SFI1: variants seen among roughly 807,000 people sequenced by gnomAD.
SFI1 encodes the protein protein SFI1 homolog.
SFI1 carries 195 observed loss-of-function variants against 207.5 expected under a neutral mutation model. The observed-to-expected ratio is 0.94, with a 90% CI of 0.84 to 1.06. SFI1 has a LOEUF of 1.06. Ranked by LOEUF, SFI1 falls within the 50% of genes least tolerant of loss-of-function variation. SFI1 has a pLI of 0.00. For synonymous variants in SFI1, 630 were observed against 598.9 expected (o/e 1.05, Z -0.76); for missense variants, 1,634 against 1,588.0 (o/e 1.03, Z -0.49).
chr22:31,566,904 TAGGA>T (rs2062368021), intron 8 of SFI1, among the ~76,000 whole-genome samples: 2 of 152,096 alleles, frequency 1.3e-5, no homozygotes, highest in African/African-American at 4.8e-5. Flanking sequence ...CAAAGCCTAT[TAGGA>T]ATTTTTTTTT....
chr22:31,604,625 A>T, intron 19 of SFI1: 1 of 587,450 alleles, frequency 1.7e-6, no homozygotes, highest in South Asian at 2.2e-5. Flanking sequence ...CTAGCCTTGT[A>T]GCGAAAGCAG....
intron 24 of SFI1, chr22:31,612,935 T>C: frequency 1.7e-6 from 1 of 573,486 alleles, no homozygotes; most frequent in Non-Finnish European, 3.1e-6. Context: ...CTTTGCCACC[T>C]TCTTTCATGA....
At chr22:31,497,553 G>T (rs1292032013) in intron 1 of SFI1, among the ~76,000 whole-genome samples, 2 of 152,094 alleles carry the variant, frequency 1.3e-5, no homozygotes, top group African/African-American at 4.8e-5. Context: ...CCTCCTTGTA[G>T]CCTGAGAGGC....
At chr22:31,584,353 T>C (rs1477360188) in intron 13 of SFI1, among the ~76,000 whole-genome samples, 1 of 152,182 alleles carries the variant, frequency 6.6e-6, no homozygotes, top group Non-Finnish European at 1.5e-5. Flanking sequence ...ATTTTAGAGC[T>C]AGTCATTCAG....
At chr22:31,586,098 T>G (rs751474128) in intron 14 of SFI1, among the ~76,000 whole-genome samples, 1 of 152,136 alleles carries the variant, frequency 6.6e-6, no homozygotes, top group Non-Finnish European at 1.5e-5. Context: ...CCTTTCCTGT[T>G]ACCACTCTGT....
intron 2 of SFI1, among the ~76,000 whole-genome samples, chr22:31,526,999 C>T (rs949497760): frequency 1.4e-4 from 21 of 152,168 alleles, no homozygotes; most frequent in Middle Eastern, 3.4e-3. Flanking sequence ...CGGGTTCAAG[C>T]GATTCTCCTG....
intron 17 of SFI1, among the ~76,000 whole-genome samples, chr22:31,603,036 C>G (rs2068372182): frequency 6.6e-6 from 1 of 152,176 alleles, no homozygotes; most frequent in Non-Finnish European, 1.5e-5. Context: ...AGTTCGAGAC[C>G]AGCCTGACCA....
At chr22:31,602,808 C>G (rs770888969) in intron 17 of SFI1, 23 bp downstream of exon 17, 15 of 1,606,232 alleles carry the variant, frequency 9.3e-6, no homozygotes, top group Non-Finnish European at 1.2e-5. Context: ...TTCTGCCTTA[C>G]AAGCCTTTCC....
rs559539455 is a variant in SFI1, at chr22:31,512,799, G to A, written c.92+4423G>A. On this transcript the variant is annotated intron_variant, in intron 2 of 32. Transcript: ENST00000400288. The stretch of plus-strand genomic sequence containing the variant: ...CCTCCCAGGTTCATGCCATTCTCCT[G>A]CCTCAGCCTCCCAAGTACCTGGGAC... Among the ~76,000 whole-genome samples the A allele has an allele frequency of 5.3e-5, 8 of 152,092 alleles. No homozygotes were observed. In the East Asian group the frequency reaches 1.4e-3, roughly 26 times the overall value.
At chr22:31,521,953 C>T (rs770664653) in intron 2 of SFI1, among the ~76,000 whole-genome samples, 5 of 150,630 alleles carry the variant, frequency 3.3e-5, no homozygotes, top group Admixed American at 6.7e-5. Flanking sequence ...TTAGTAGAGA[C>T]GGGGTTTCAT....
chr22:31,615,914 G>C (rs2071350687), intron 29 of SFI1: 1 of 152,328 alleles, frequency 6.6e-6, no homozygotes, highest in African/African-American at 2.4e-5. Context: ...AGTGTCAAGA[G>C]TGTTTTGAAC....
chr22:31,613,955 G>A, intron 27 of SFI1, 100 bp downstream of exon 27: 2 of 1,408,278 alleles, frequency 1.4e-6, no homozygotes, highest in Non-Finnish European at 1.9e-6. Flanking sequence ...GGGACGGGCT[G>A]GTCACGGCCT....
intron 20 of SFI1, 39 bp from the exon 21 acceptor site, chr22:31,606,289 C>T: frequency 1.3e-6 from 2 of 1,571,820 alleles, no homozygotes; most frequent in Non-Finnish European, 1.8e-6. Context: ...TCTCTCTATC[C>T]TGGTGTCATC....
rs774912025 is a variant in SFI1, at chr22:31,603,795, T to C, written c.1857T>C (p.Arg619=). The change falls in exon 18 of 33, where the codon CGT becomes CGC. Residue 619 remains arginine (R), a synonymous_variant. Coordinates refer to ENST00000400288, the MANE Select transcript of SFI1 (RefSeq NM_001007467.3). ...AAEFHMAQLL[R]WAWSQWRECL... is the part of the protein sequence containing the mutation. ...AATTCCACATGGCCCAGCTCCTGCG[T>C]TGGGCCTGGAGCCAGTGGAGGGAGG... The C allele has an allele frequency of 1.2e-5, 18 of 1,559,672 alleles. No homozygotes were observed. Among genetic ancestry groups the C allele is most frequent in the Non-Finnish European group, 1.5e-5 (18 of 1,163,940 alleles).
chr22:31,594,427 A>AG (rs1250518975), intron 15 of SFI1, among the ~76,000 whole-genome samples: 4 of 151,858 alleles, frequency 2.6e-5, no homozygotes, highest in African/African-American at 9.7e-5. Flanking sequence ...ACATGCCTGT[A>AG]ATCCCAGCTA....
chr22:31,550,700 C>G, intron 6 of SFI1: 1 of 220,962 alleles, frequency 4.5e-6, no homozygotes, highest in Non-Finnish European at 9.1e-6. Flanking sequence ...GACTCTGGAG[C>G]AGAGCTGCAG....
At chr22:31,518,862 G>A (rs1345115257) in intron 2 of SFI1, among the ~76,000 whole-genome samples, 2 of 152,124 alleles carry the variant, frequency 1.3e-5, no homozygotes, top group African/African-American at 4.8e-5. Flanking sequence ...AAAAACTTGG[G>A]TACTGAGTCT....
chr22:31,602,570 TG>T (rs1194821167), intron 16 of SFI1, 36 bp from the exon 17 acceptor site: 1 of 1,605,776 alleles, frequency 6.2e-7, no homozygotes, highest in Non-Finnish European at 8.5e-7. Flanking sequence ...CTCTCCTACT[TG>T]ATTTATTCTG....
At chr22:31,526,542 C>G (rs377297806) in intron 2 of SFI1, among the ~76,000 whole-genome samples, 1 of 152,132 alleles carries the variant, frequency 6.6e-6, no homozygotes, top group Non-Finnish European at 1.5e-5. Flanking sequence ...GGTGGGGGCA[C>G]AGCTAAACCA....
Sources: allele counts gnomAD v4.1 joint callset (sites outside exome capture counted in the v4.1 genomes callset), GRCh38; gene constraint gnomAD v4.1.1; transcripts MANE v1.5; gene names NCBI Gene and HGNC (gene_info 2026-07-23, HGNC 2026-07-21).